Variants in WDR12 observed in about 807,000 individuals in gnomAD.
WDR12 encodes the protein WD repeat domain 12.
In WDR12, 42 loss-of-function variants were observed where a neutral mutation model predicts 64.3. That is an observed-to-expected ratio of 0.65 (90% CI 0.51 to 0.84). The LOEUF (loss-of-function observed/expected upper bound fraction) is 0.84, where lower values mean the gene tolerates loss of function less well. Among genes scored for constraint, WDR12 ranks in the 40% least tolerant of loss-of-function variants. The pLI, the probability that WDR12 is intolerant of heterozygous loss-of-function variation, is 0.00. For synonymous variants in WDR12, 158 were observed against 173.3 expected (o/e 0.91, Z 0.70); for missense variants, 469 against 494.6 (o/e 0.95, Z 0.49).
chr2:202,898,944 TAAAAAAAA>T, intron 4 of WDR12, among the ~76,000 whole-genome samples: 1 of 94,932 alleles, frequency 1.1e-5, no homozygotes, highest in African/African-American at 4.0e-5. Flanking sequence ...AGACCCCGTT[TAAAAAAAA>T]AAAAAAAAAG....
rs566921054 is a variant in WDR12, at chr2:202,908,056, C to T, written c.42-97G>A. 7.6e-5 allele frequency: 78 copies of T among 1,033,014 alleles called. 1 individual carries two copies. In the South Asian group the frequency reaches 1.0e-3, roughly 14 times the overall value. 64.0% of individuals were successfully genotyped at this position (1,033,014 alleles called of 1,614,324 possible). A position where few individuals can be genotyped will look rare whatever the true frequency, so the allele number is the denominator to read the frequency against. On this transcript the variant is annotated intron_variant, in intron 1 of 12. Coordinates refer to ENST00000261015, the MANE Select transcript of WDR12 (RefSeq NM_018256.4). ...CATACATTTATTGGGTAAATAAATG[C>T]CAGACATCCAGACATTTTGCTACAT...
At position 202,883,704 on chromosome 2, in the gene WDR12, A is replaced by C; in HGVS notation, c.1026T>G (p.Thr342=). Residue 342 remains threonine (T), a synonymous_variant, in exon 11 of 13, where the codon ACT becomes ACG. Transcript: ENST00000261015. Reference sequence around the variant, plus strand: ...ACCATTTTACTGATGTCACCCAACCAGTATGTGACGTTAGGGACAGCGACA... The same window carrying C: ...ACCATTTTACTGATGTCACCCAACCCGTATGTGACGTTAGGGACAGCGACA... The part of the protein sequence containing the change: ...SLVSLSLTSH[T]GWVTSVKWSP... The C allele has an allele frequency of 6.2e-7, 1 of 1,614,064 alleles. No homozygotes were observed. Among genetic ancestry groups the C allele is most frequent in the Non-Finnish European group, 8.5e-7 (1 of 1,179,906 alleles).
chr2:202,883,591 A>C lies in WDR12; in HGVS notation c.1121+18T>G, dbSNP rs770762250. 2.5e-6 allele frequency: 4 copies of C among 1,610,082 alleles called. No individual in the cohort carries two copies. In the South Asian group the frequency reaches 4.4e-5, roughly 18 times the overall value. On this transcript the variant is annotated intron_variant, in intron 11 of 12. Coordinates refer to ENST00000261015, the MANE Select transcript of WDR12 (RefSeq NM_018256.4). Reference sequence around the variant, plus strand: ...GGTAATTGATATGTTTCTCTTATAGATCATAAATAGAATTTACCTTCTTGT... The same window carrying C: ...GGTAATTGATATGTTTCTCTTATAGCTCATAAATAGAATTTACCTTCTTGT...
chr2:202,894,458 G>A (rs1288543490), intron 7 of WDR12, 123 bp downstream of exon 7: 1 of 750,912 alleles, frequency 1.3e-6, no homozygotes, highest in Non-Finnish European at 2.1e-6. Context: ...GTGGCCTCAA[G>A]TGATCCTTCT....
In WDR12 at chr2:202,892,714, A is replaced by G. The variant is rs1328645400; in HGVS notation, c.656-12T>C. 6.3e-7 allele frequency: 1 copy of G among 1,590,602 alleles called. No homozygotes were observed. Among genetic ancestry groups the G allele is most frequent in the African/African-American group, 1.3e-5 (1 of 74,366 alleles). The stretch of plus-strand genomic sequence containing the variant: ...TTCATCTGTAGGGACTGTGTCATAG[A>G]GAATTAGATTTGACATTTTAAAAAC... On this transcript the variant is annotated splice_polypyrimidine_tract_variant and intron_variant, in intron 7 of 12. Coordinates refer to ENST00000261015, the MANE Select transcript of WDR12 (RefSeq NM_018256.4).
rs763582011 is a variant in WDR12, at chr2:202,897,402, A to T, written c.352T>A (p.Ser118Thr). Residue 118 changes from serine (S) to threonine (T), a missense_variant, in exon 5 of 13, where the codon TCT becomes ACT. Coordinates refer to ENST00000261015, the MANE Select transcript of WDR12 (RefSeq NM_018256.4). ...KGAEEWILTG[S>T]YDKTSRIWSL... Reference sequence around the variant, plus strand: ...CAGATCCGAGAAGTCTTATCATAAGAACCAGTCAAGATCCTATGAGAAAAA... The same window carrying T: ...CAGATCCGAGAAGTCTTATCATAAGTACCAGTCAAGATCCTATGAGAAAAA... 6.4e-7 allele frequency: 1 copy of T among 1,574,758 alleles called. No individual in the cohort carries two copies. The highest frequency in any genetic ancestry group is 1.2e-5 in the South Asian group (1 of 84,754).
intron 2 of WDR12, among the ~76,000 whole-genome samples, chr2:202,903,499 G>GGAAGGAAA (rs1688392418): frequency 1.8e-5 from 2 of 113,266 alleles, no homozygotes; most frequent in Admixed American, 8.8e-5. Flanking sequence ...AAGGAAGGAA[G>GGAAGGAAA]GAAGTGAGGG....
chr2:202,875,703 G>T lies in WDR12; in HGVS notation c.*5157C>A, dbSNP rs954230980. On this transcript the variant is annotated 3_prime_UTR_variant, in exon 13 of 13. Transcript: ENST00000261015. ...GCGCCCAGCCACATATAACCTTTCT[G>T]TTAGGCAAGTGAAGACACTTCCACA... 1.3e-5 allele frequency: 2 copies of T among 152,080 alleles called. No homozygotes were observed. Among genetic ancestry groups the T allele is most frequent in the South Asian group, 4.2e-4 (2 of 4,818 alleles). 9.4% of individuals were successfully genotyped at this position (152,080 alleles called of 1,614,324 possible).
intron 6 of WDR12, among the ~76,000 whole-genome samples, chr2:202,895,419 G>T (rs1688219376): frequency 6.6e-6 from 1 of 151,896 alleles, no homozygotes; most frequent in Middle Eastern, 3.4e-3. Flanking sequence ...TTCAGTTGAT[G>T]ACAGCACTTA....
At chr2:202,905,804 G>C (rs1285795266) in intron 2 of WDR12, among the ~76,000 whole-genome samples, 1 of 152,080 alleles carries the variant, frequency 6.6e-6, no homozygotes, top group Non-Finnish European at 1.5e-5. Flanking sequence ...ACTTATTTGT[G>C]GGAGCTAAAA....
rs755300597 is a variant in WDR12, at chr2:202,901,110, T to C, written c.146A>G (p.Lys49Arg). The C allele has an allele frequency of 2.5e-6, 4 of 1,592,504 alleles. No homozygotes were observed. Among genetic ancestry groups the C allele is most frequent in the South Asian group, 1.1e-5 (1 of 87,674 alleles). The change falls in exon 3 of 13, where the codon AAA (lysine) becomes AGA (arginine). Residue 49 changes from lysine (K) to arginine (R), a missense_variant. By Grantham distance (26) the Lys-to-Arg change is conservative. Coordinates refer to ENST00000261015, the MANE Select transcript of WDR12 (RefSeq NM_018256.4). Reference protein sequence around the residue: ...KLLKDKNEFHKHVEFDFLIKG... With the variant: ...KLLKDKNEFHRHVEFDFLIKG... Reference sequence around the variant, plus strand: ...AATAAGGAAATCAAACTCCACATGTTTGTGGAACTCTGAGGAAAATACATA... The same window carrying C: ...AATAAGGAAATCAAACTCCACATGTCTGTGGAACTCTGAGGAAAATACATA...
intron 5 of WDR12, 80 bp from the exon 6 acceptor site, chr2:202,896,299 A>G (rs898903993): frequency 4.2e-6 from 6 of 1,434,746 alleles, no homozygotes; most frequent in Non-Finnish European, 5.5e-6. Context: ...CCAAAGAACT[A>G]AATTTTTTTG....
chr2:202,882,564 G>A (rs1451252765), intron 12 of WDR12, 147 bp downstream of exon 12: 6 of 653,898 alleles, frequency 9.2e-6, no homozygotes, highest in South Asian at 5.7e-5. Flanking sequence ...TCCTGACCTC[G>A]TGATCTGCCC....
intron 8 of WDR12, among the ~76,000 whole-genome samples, chr2:202,887,514 G>C (rs936911183): frequency 2.6e-5 from 4 of 152,184 alleles, no homozygotes; most frequent in African/African-American, 9.6e-5. Flanking sequence ...ATAGAGGAGT[G>C]AGAAACAGAA....
intron 2 of WDR12, among the ~76,000 whole-genome samples, chr2:202,901,565 C>T (rs1231542504): frequency 2.0e-5 from 3 of 152,138 alleles, no homozygotes; most frequent in African/African-American, 7.2e-5. Context: ...ACAATCACTC[C>T]TTCTAACATC....
chr2:202,893,583 T>G (rs1054165005), intron 7 of WDR12, among the ~76,000 whole-genome samples: 1 of 152,204 alleles, frequency 6.6e-6, no homozygotes, highest in African/African-American at 2.4e-5. Flanking sequence ...TAAGCTTTTC[T>G]TGATCCCCCT....
rs955051913 is a variant in WDR12, at chr2:202,882,733, C to T, written c.1172G>A (p.Ser391Asn). The change falls in exon 12 of 13, where the codon AGT (serine) becomes AAT (asparagine). Residue 391 changes from serine to asparagine, a missense_variant. Ser to Asn is a conservative substitution (Grantham distance 46, BLOSUM62 1). Transcript: ENST00000261015. ...DLAAHEDKVL[S>N]VDWTDTGLLL... ...TACCCCTGTGTCTGTCCAGTCTACA[C>T]TCAGAACTTTGTCTTCATGAGCAGC... is the stretch of plus-strand genomic sequence containing the variant. 3.7e-6 allele frequency: 6 copies of T among 1,613,968 alleles called. No individual in the cohort carries two copies. In the African/African-American group the frequency reaches 8.0e-5, roughly 22 times the overall value.
Position 202,884,282 on chromosome 2 carries a change from A to G in WDR12, c.904T>C (p.Cys302Arg). 2 of 1,614,144 alleles carry G rather than the reference A, an allele frequency of 1.2e-6. No individual in the cohort carries two copies. The highest frequency in any genetic ancestry group is 1.7e-6 in the Non-Finnish European group (2 of 1,180,036). The part of the protein sequence containing the change: ...STLTGNKVFN[C>R]ISYSPLCKRL... Reference sequence around the variant, plus strand: ...TTACAAAGTGGAGAATAGGAAATACAATTAAACACTTTATTTCCTGTCTGA... The same window carrying G: ...TTACAAAGTGGAGAATAGGAAATACGATTAAACACTTTATTTCCTGTCTGA... The change falls in exon 10 of 13, where the codon TGT becomes CGT. Residue 302 changes from cysteine to arginine, a missense_variant. Physicochemically the swap from Cys to Arg is radical, Grantham distance 180 (BLOSUM62 -3). Coordinates refer to ENST00000261015, the MANE Select transcript of WDR12 (RefSeq NM_018256.4).
At position 202,902,094 on chromosome 2, in the gene WDR12, C is replaced by T. The variant is rs1481681561; in HGVS notation, c.137-975G>A. ...CTTACATTCATTTCTTTCAGAGTTG[C>T]AATATGGTAACAGTCTATACAGAAG... On this transcript the variant is annotated intron_variant, in intron 2 of 12. Coordinates refer to ENST00000261015, the MANE Select transcript of WDR12 (RefSeq NM_018256.4). Among the ~76,000 whole-genome samples the T allele has an allele frequency of 1.5e-4, 23 of 151,982 alleles. 1 individual carries two copies. The highest frequency in any genetic ancestry group is 6.5e-5 in the Admixed American group (1 of 15,268).
Sources: gnomAD v4.1 joint callset for allele counts (sites outside exome capture counted in the v4.1 genomes callset) on GRCh38, gnomAD v4.1.1 for gene constraint, MANE v1.5 for transcripts, NCBI Gene and HGNC (gene_info 2026-07-23, HGNC 2026-07-21) for gene names.